Variants in ITGAE observed in about 807,000 individuals in gnomAD.
ITGAE encodes integrin alpha-E.
A neutral mutation model predicts 136.5 loss-of-function variants in ITGAE; 99 were observed. The ratio of observed to expected loss-of-function variants is 0.73; its 90% CI spans 0.62 to 0.86. The LOEUF (loss-of-function observed/expected upper bound fraction) is 0.86, where lower values mean the gene tolerates loss of function less well. Ranked by LOEUF, ITGAE falls within the 40% of genes least tolerant of loss-of-function variation. The probability of loss-of-function intolerance (pLI) is 0.00; values close to 1 mark genes in which losing one functional copy is unlikely to be tolerated. For synonymous variants in ITGAE, 613 were observed against 591.8 expected (o/e 1.04, Z -0.52); for missense variants, 1,447 against 1,515.3 (o/e 0.95, Z 0.75).
intron 28 of ITGAE, 31 bp downstream of exon 28, chr17:3,723,257 A>G (rs1452674483): frequency 1.4e-6 from 2 of 1,428,834 alleles, no homozygotes; most frequent in African/African-American, 2.8e-5. Flanking sequence ...CAACTGGATA[A>G]TCAAATCTGG....
chr17:3,765,348 CAAA>C (rs66493976), intron 2 of ITGAE, among the ~76,000 whole-genome samples: 3 of 63,756 alleles, frequency 4.7e-5, no homozygotes, highest in African/African-American at 1.4e-4. Flanking sequence ...GACTCTGTCT[CAAA>C]AAAAAAAAAA....
At chr17:3,765,946 C>A (rs996372412) in intron 2 of ITGAE, among the ~76,000 whole-genome samples, 3 of 152,174 alleles carry the variant, frequency 2.0e-5, no homozygotes, top group East Asian at 1.9e-4. Context: ...AATGGCCCCC[C>A]AAAGAAGGCC....
At chr17:3,739,925 C>A in intron 19 of ITGAE, 47 bp from the exon 20 acceptor site, 1 of 1,494,734 alleles carries the variant, frequency 6.7e-7, no homozygotes, top group South Asian at 1.1e-5. Context: ...CCGCCTTCCC[C>A]AGCAGCCCTG....
At chr17:3,797,367 G>T (rs192379922) in intron 1 of ITGAE, among the ~76,000 whole-genome samples, 1 of 150,856 alleles carries the variant, frequency 6.6e-6, no homozygotes, top group African/African-American at 2.4e-5. Flanking sequence ...GAGTTTCACT[G>T]TGTTAGCCAG....
chr17:3,776,269 G>A (rs1402778093), intron 2 of ITGAE, among the ~76,000 whole-genome samples: 4 of 151,812 alleles, frequency 2.6e-5, no homozygotes, highest in Non-Finnish European at 4.4e-5. Flanking sequence ...TGTTGGCCAG[G>A]CTGGTCTCCA....
intron 2 of ITGAE, among the ~76,000 whole-genome samples, chr17:3,776,395 T>C (rs756769189): frequency 3.9e-5 from 6 of 152,066 alleles, no homozygotes; most frequent in Non-Finnish European, 7.4e-5. Context: ...TTATCTCAAA[T>C]AGTCTTTGCG....
chr17:3,799,780 G>A lies in ITGAE; in HGVS notation c.34+1331C>T, dbSNP rs2053205361. Among the ~76,000 whole-genome samples, 1 of 152,198 alleles carries A rather than the reference G, an allele frequency of 6.6e-6. No homozygotes were observed. The highest frequency in any genetic ancestry group is 2.4e-5 in the African/African-American group (1 of 41,452). On this transcript the variant is annotated intron_variant, in intron 1 of 30. Transcript: ENST00000263087. This position sits in a 1 kb window ranked among gnomAD's most constrained non-coding sequence, Gnocchi z 4.1. ...AGTCTAAATTGTAAAATAAAAGGAA[G>A]TTCAACAAACTGTTGACCTTTCCAT...
intron 2 of ITGAE, among the ~76,000 whole-genome samples, chr17:3,765,460 C>CCTATCACT: frequency 1.3e-5 from 2 of 151,948 alleles, no homozygotes; most frequent in Admixed American, 1.3e-4. Context: ...TTCCTCAACT[C>CCTATCACT]CTATCACTCT....
At chr17:3,732,282 G>C (rs1426869841) in intron 22 of ITGAE, 86 bp downstream of exon 22, 2 of 1,019,052 alleles carry the variant, frequency 2.0e-6, no homozygotes, top group Non-Finnish European at 1.6e-6. Context: ...CGCAAAGCTG[G>C]AACCGAGAGA....
intron 2 of ITGAE, among the ~76,000 whole-genome samples, chr17:3,764,364 G>T (rs1398308907): frequency 6.6e-6 from 1 of 152,144 alleles, no homozygotes; most frequent in Non-Finnish European, 1.5e-5. Context: ...TTCCTGAGAA[G>T]AGTACGCTGG....
intron 2 of ITGAE, among the ~76,000 whole-genome samples, chr17:3,768,801 C>A (rs950608515): frequency 6.6e-6 from 1 of 152,122 alleles, no homozygotes; most frequent in African/African-American, 2.4e-5. Context: ...AGTAGGCTCC[C>A]GAAGGATCTT....
intron 20 of ITGAE, among the ~76,000 whole-genome samples, chr17:3,738,056 G>C (rs1353235085): frequency 6.6e-6 from 1 of 152,224 alleles, no homozygotes; most frequent in Non-Finnish European, 1.5e-5. Flanking sequence ...GGGCTGACCA[G>C]GACTTGGGGA....
At chr17:3,733,632 G>A (rs915528134) in intron 21 of ITGAE, among the ~76,000 whole-genome samples, 1 of 152,098 alleles carries the variant, frequency 6.6e-6, no homozygotes, top group African/African-American at 2.4e-5. Context: ...TGTTGGCCAG[G>A]CTGGTCTCGA....
intron 26 of ITGAE, 48 bp from the exon 27 acceptor site, chr17:3,723,792 A>C (rs761295353): frequency 9.4e-6 from 15 of 1,598,798 alleles, no homozygotes; most frequent in African/African-American, 1.3e-5. Context: ...CCAAGCCGCC[A>C]GTTTTCCGTC....
At chr17:3,762,020 C>T in intron 3 of ITGAE, 38 bp from the exon 4 acceptor site, 1 of 1,578,970 alleles carries the variant, frequency 6.3e-7, no homozygotes, top group Non-Finnish European at 8.7e-7. Context: ...GAGGAGGGGA[C>T]TCTGGGAGGC....
rs2052062561 is a variant in ITGAE at position 3,757,704 on chromosome 17, ACCCCAATGGCAAAGCGCTCAAC to A, written c.1000_1020+1del. The A allele has an allele frequency of 6.2e-7, 1 of 1,613,388 alleles. No individual in the cohort carries two copies. Among genetic ancestry groups the A allele is most frequent in the Non-Finnish European group, 8.5e-7 (1 of 1,179,690 alleles). On this transcript the variant is annotated splice_donor_variant and coding_sequence_variant, in exon 9 of 31. Coordinates refer to ENST00000263087, the MANE Select transcript of ITGAE (RefSeq NM_002208.5). LOFTEE classifies it high-confidence loss of function. ...AGGTGTCTCCCGGCTCCTGGCTCTTACCCCAATGGCAAAGCGCTCAACACCCTGCATTTTGGGGGAGTTGATG... is the reference window on the plus strand; with the variant it reads ...AGGTGTCTCCCGGCTCCTGGCTCTTAACCCTGCATTTTGGGGGAGTTGATG...
intron 10 of ITGAE, 126 bp from the exon 11 acceptor site, chr17:3,756,023 C>T (rs1428880959): frequency 5.8e-6 from 5 of 858,106 alleles, no homozygotes; most frequent in Admixed American, 4.3e-5. Flanking sequence ...GAAGAGAACC[C>T]GGCTGAGGGT....
intron 26 of ITGAE, chr17:3,725,661 G>A: frequency 6.3e-7 from 1 of 1,595,996 alleles, no homozygotes; most frequent in African/African-American, 1.3e-5. Flanking sequence ...GCTCCTCAAA[G>A]CCTGGGATCA....
Position 3,759,401 on chromosome 17 carries a change from C to A in ITGAE, c.866+1G>T, listed in dbSNP as rs776958962. 16 of 1,613,032 alleles carry A rather than the reference C, an allele frequency of 9.9e-6. No homozygotes were observed. Among genetic ancestry groups the A allele is most frequent in the Non-Finnish European group, 1.1e-5 (13 of 1,179,182 alleles). On this transcript the variant is annotated splice_donor_variant, in intron 8 of 30. Coordinates refer to ENST00000263087, the MANE Select transcript of ITGAE (RefSeq NM_002208.5). LOFTEE classifies it high-confidence loss of function. ...ATAATTCCTGCAGCCCCCACACTCACAAGACGTGTTGCATGGCTGAGGCAG... is the reference window on the plus strand; with the variant it reads ...ATAATTCCTGCAGCCCCCACACTCAAAAGACGTGTTGCATGGCTGAGGCAG...
Sources: gnomAD v4.1 joint callset for allele counts (sites outside exome capture counted in the v4.1 genomes callset) on GRCh38, gnomAD v4.1.1 for gene constraint, Gnocchi (gnomAD v3.1) non-coding constraint, MANE v1.5 for transcripts, NCBI Gene and HGNC (gene_info 2026-07-23, HGNC 2026-07-21) for gene names.